The following KIF26A variants were observed in gnomAD, a reference collection of about 807,000 sequenced individuals.
KIF26A encodes kinesin family member 26A.
KIF26A carries 74 observed loss-of-function variants against 126.0 expected under a neutral mutation model. The observed-to-expected ratio is 0.59, with a 90% confidence interval of 0.49 to 0.71. The LOEUF (loss-of-function observed/expected upper bound fraction) is 0.71, where lower values mean the gene tolerates loss of function less well. KIF26A is among the 30% of genes least tolerant of loss of function. The probability of loss-of-function intolerance (pLI) is 0.00; values close to 1 mark genes in which losing one functional copy is unlikely to be tolerated. For synonymous variants in KIF26A, 1,445 were observed against 1,232.7 expected (o/e 1.17, Z -3.61); for missense variants, 2,984 against 2,763.3 (o/e 1.08, Z -1.79).
intron 5 of KIF26A, among the ~76,000 whole-genome samples, chr14:104,168,527 C>T (rs189667715): frequency 1.3e-4 from 20 of 152,216 alleles, no homozygotes; most frequent in African/African-American, 4.3e-4. Flanking sequence ...ATGGCGGGTC[C>T]GGGTGGGGGC....
Position 104,176,047 on chromosome 14 carries a change from ACCT to A in KIF26A, c.3261_3263del (p.Ser1088del). 1 of 1,595,160 alleles carries A rather than the reference ACCT, an allele frequency of 6.3e-7. No homozygotes were observed. The highest frequency in any genetic ancestry group is 8.5e-7 in the Non-Finnish European group (1 of 1,174,970). On this transcript the variant is annotated inframe_deletion, in exon 12 of 15. Transcript: ENST00000423312. Reference sequence around the variant, plus strand: ...CATCAATGATGAGTTTGACGCCTACACCTCTCAGGCCCCTGAGGGGGGGCCCCT... The same window carrying A: ...CATCAATGATGAGTTTGACGCCTACACTCAGGCCCCTGAGGGGGGGCCCCT...
At position 104,169,730 on chromosome 14, in the gene KIF26A, A is replaced by G. The variant is rs1566862586; in HGVS notation, c.1114-1993A>G. On this transcript the variant is annotated intron_variant, in intron 5 of 14. Coordinates refer to ENST00000423312, the MANE Select transcript of KIF26A (RefSeq NM_015656.2). Reference sequence around the variant, plus strand: ...GACATCCCTGTCTGGGTGGGTGCTGAGCAGCGCCCTTCCCCCTCCCTGCCT... The same window carrying G: ...GACATCCCTGTCTGGGTGGGTGCTGGGCAGCGCCCTTCCCCCTCCCTGCCT... Among the ~76,000 whole-genome samples the G allele has an allele frequency of 4.6e-5, 7 of 152,224 alleles. No individual in the cohort carries two copies. The South Asian group carries it at 1.4e-3, about 32-fold the overall frequency.
At position 104,152,892 on chromosome 14, in the gene KIF26A, C is replaced by G. The variant is rs1043092911; in HGVS notation, c.735+431C>G. 3.3e-5 allele frequency among the ~76,000 whole-genome samples: 5 copies of G among 152,096 alleles called. No homozygotes were observed. Among genetic ancestry groups the G allele is most frequent in the Non-Finnish European group, 5.9e-5 (4 of 68,000 alleles). ...GCGTCCATGGACGTCGGGCGGGGGA[C>G]CGGCAGTTGCAATTGCTGGAGATGC... On this transcript the variant is annotated intron_variant, in intron 3 of 14. Coordinates refer to ENST00000423312, the MANE Select transcript of KIF26A (RefSeq NM_015656.2). The surrounding 1 kb of genome is among the most constrained non-coding windows in gnomAD (Gnocchi z 5.9).
At chr14:104,145,058 C>G (rs900373222) in intron 2 of KIF26A, among the ~76,000 whole-genome samples, 2 of 152,218 alleles carry the variant, frequency 1.3e-5, no homozygotes, top group Non-Finnish European at 2.9e-5. Context: ...CTGCTCCCTT[C>G]CTGCTGGGGT....
chr14:104,172,375 C>A (rs1557013), intron 6 of KIF26A, among the ~76,000 whole-genome samples, 200 bp from the exon 7 acceptor site: 152,026 of 152,356 alleles, frequency 1, 75,860 homozygotes, highest in Middle Eastern at 1. Context: ...TGGCCAGTCC[C>A]TCCTACGTGT....
At chr14:104,178,803 G>A (rs1222230830) in intron 13 of KIF26A, 48 bp downstream of exon 13, 6 of 1,104,578 alleles carry the variant, frequency 5.4e-6, no homozygotes, top group Non-Finnish European at 7.7e-6. Flanking sequence ...TGGGGAGCCT[G>A]CCGCGGATGG....
intron 6 of KIF26A, among the ~76,000 whole-genome samples, 177 bp from the exon 7 acceptor site, chr14:104,172,398 G>T (rs1486030168): frequency 6.6e-6 from 1 of 152,256 alleles, no homozygotes; most frequent in Admixed American, 6.5e-5. Context: ...CCTGGGTCCT[G>T]TTCATGTGTG....
intron 4 of KIF26A, among the ~76,000 whole-genome samples, chr14:104,166,002 T>C (rs1165792935): frequency 6.6e-6 from 1 of 152,130 alleles, no homozygotes; most frequent in African/African-American, 2.4e-5. Context: ...TTTGGGAGAC[T>C]CTGCACCTTC....
chr14:104,175,885 G>A lies in KIF26A; in HGVS notation c.3097G>A (p.Val1033Met). Residue 1033 changes from valine to methionine, a missense_variant, in exon 12 of 15, where the codon GTG becomes ATG. By Grantham distance (21) the Val-to-Met change is conservative. Coordinates refer to ENST00000423312, the MANE Select transcript of KIF26A (RefSeq NM_015656.2). ...GGAGCTCAACGGCGAGGACGAGCTG[G>A]TGTTCACGGTGGTGGAGGAGCTGTC... is the stretch of plus-strand genomic sequence containing the variant. ...PVELNGEDEL[V>M]FTVVEELSLG... 1 of 1,541,624 alleles carries A rather than the reference G, an allele frequency of 6.5e-7. No homozygotes were observed. The highest frequency in any genetic ancestry group is 8.7e-7 in the Non-Finnish European group (1 of 1,148,568).
intron 2 of KIF26A, among the ~76,000 whole-genome samples, chr14:104,140,136 T>C (rs1168365100): frequency 6.6e-6 from 1 of 152,090 alleles, no homozygotes; most frequent in Non-Finnish European, 1.5e-5. Flanking sequence ...CTAAGGGCTG[T>C]GGGGGTTGGA....
chr14:104,176,004 A>T lies in KIF26A; in HGVS notation c.3216A>T (p.Pro1072=), dbSNP rs2487304. 1.3e-6 allele frequency: 2 copies of T among 1,583,788 alleles called. No individual in the cohort carries two copies. The highest frequency in any genetic ancestry group is 4.6e-5 in the East Asian group (2 of 43,932). Residue 1072 remains proline, a synonymous_variant, in exon 12 of 15, where the codon CCA becomes CCT. Coordinates refer to ENST00000423312, the MANE Select transcript of KIF26A (RefSeq NM_015656.2). ...GGGCCCTGGCCTCGGGGTCCCGGCC[A>T]GTCAGCATCATCAGCAGCATCAATG... The part of the protein sequence containing the change: ...SLRALASGSR[P]VSIISSINDE...
rs1166405117 is a variant in KIF26A, at chr14:104,176,130, C to T, written c.3342C>T (p.Leu1114=). The change falls in exon 12 of 15, where the codon CTC becomes CTT. Residue 1114 remains leucine, a synonymous_variant. Transcript: ENST00000423312. ...SSHGSSISSW[L]SEVSVCTADS... ...ACGGCTCCTCCATCAGCTCCTGGCT[C>T]AGCGAGGTCAGCGTCTGCACTGCCG... The T allele has an allele frequency of 6.3e-7, 1 of 1,579,292 alleles. No homozygotes were observed. Among genetic ancestry groups the T allele is most frequent in the Non-Finnish European group, 8.6e-7 (1 of 1,163,570 alleles).
chr14:104,171,892 A>G lies in KIF26A; in HGVS notation c.1283A>G (p.Lys428Arg), dbSNP rs2037961496. 1 of 1,559,742 alleles carries G rather than the reference A, an allele frequency of 6.4e-7. No individual in the cohort carries two copies. Among genetic ancestry groups the G allele is most frequent in the Non-Finnish European group, 8.7e-7 (1 of 1,152,792 alleles). ...CGAGCCGCCACTGCTGCAGTTCCCA[A>G]GATGTTTGCCTTCGATGCCGTCTTC... is the stretch of plus-strand genomic sequence containing the variant. The part of the protein sequence containing the change: ...PRRAATAAVP[K>R]MFAFDAVFPQ... The change falls in exon 6 of 15, where the codon AAG becomes AGG. Residue 428 changes from lysine to arginine, a missense_variant. Physicochemically the swap from Lys to Arg is conservative, Grantham distance 26 (BLOSUM62 2). Transcript: ENST00000423312.
At chr14:104,146,796 G>A (rs1045792104) in intron 2 of KIF26A, among the ~76,000 whole-genome samples, 5 of 152,158 alleles carry the variant, frequency 3.3e-5, no homozygotes, top group Non-Finnish European at 7.4e-5. Flanking sequence ...GAAAAGCCCC[G>A]AGATGGGCCT....
rs1238627344 is a variant in KIF26A, at chr14:104,173,084, A to T, written c.1528A>T (p.Thr510Ser). 6.2e-7 allele frequency: 1 copy of T among 1,604,526 alleles called. No individual in the cohort carries two copies. The highest frequency in any genetic ancestry group is 1.1e-5 in the South Asian group (1 of 89,782). The stretch of plus-strand genomic sequence containing the variant: ...GCTCATCGAGGAGCGCAGGGAGAGG[A>T]CGGGCACCCGCTTCTCCGTCCGGGT... ...FRLIEERRER[T>S]GTRFSVRVSA... The change falls in exon 8 of 15, where the codon ACG (threonine) becomes TCG (serine). Residue 510 changes from threonine (T) to serine (S), a missense_variant. Coordinates refer to ENST00000423312, the MANE Select transcript of KIF26A (RefSeq NM_015656.2).
At chr14:104,173,610 C>T in intron 9 of KIF26A, 96 bp from the exon 10 acceptor site, 2 of 1,530,808 alleles carry the variant, frequency 1.3e-6, no homozygotes, top group Non-Finnish European at 1.8e-6. Context: ...TGGGGATGTC[C>T]CTGGGGTTGT....
At position 104,177,875 on chromosome 14, in the gene KIF26A, A is replaced by G. The variant is rs61743202; in HGVS notation, c.5087A>G (p.Lys1696Arg). 89,293 of 1,547,758 alleles carry G rather than the reference A, an allele frequency of 0.058. 2,872 individuals are homozygous for G. The highest frequency in any genetic ancestry group is 0.066 in the Non-Finnish European group (76,155 of 1,154,032). ...ASPGARTRSL[K>R]SPKKRATGLQ... The stretch of plus-strand genomic sequence containing the variant: ...CCAGGCGCCCGCACCCGCAGCCTCA[A>G]GTCCCCCAAGAAGAGGGCCACAGGT... Residue 1696 changes from lysine (K) to arginine (R), a missense_variant, in exon 12 of 15, where the codon AAG becomes AGG. Coordinates refer to ENST00000423312, the MANE Select transcript of KIF26A (RefSeq NM_015656.2).
rs1260618965 is a variant in KIF26A, at chr14:104,175,894, G to A, written c.3106G>A (p.Val1036Met). 1.9e-6 allele frequency: 3 copies of A among 1,542,850 alleles called. No homozygotes were observed. Among genetic ancestry groups the A allele is most frequent in the Non-Finnish European group, 2.6e-6 (3 of 1,149,264 alleles). Residue 1036 changes from valine (V) to methionine (M), a missense_variant, in exon 12 of 15, where the codon GTG (valine) becomes ATG (methionine). Val to Met is a conservative substitution (Grantham distance 21, BLOSUM62 1). Transcript: ENST00000423312. Reference protein sequence around the residue: ...LNGEDELVFTVVEELSLGALA... With the variant: ...LNGEDELVFTMVEELSLGALA... ...CGGCGAGGACGAGCTGGTGTTCACG[G>A]TGGTGGAGGAGCTGTCCCTGGGGGC...
At chr14:104,179,091 G>A (rs2038070723) in intron 13 of KIF26A, 145 bp from the exon 14 acceptor site, 2 of 960,048 alleles carry the variant, frequency 2.1e-6, no homozygotes, top group African/African-American at 3.4e-5. Context: ...GCTGCCCCAG[G>A]TCCGCCCCCT....
Sources: gnomAD v4.1 joint callset for allele counts (sites outside exome capture counted in the v4.1 genomes callset) on GRCh38, gnomAD v4.1.1 for gene constraint, Gnocchi (gnomAD v3.1) non-coding constraint, MANE v1.5 for transcripts, NCBI Gene and HGNC (gene_info 2026-07-23, HGNC 2026-07-21) for gene names.